The following CFAP46 variants were observed in gnomAD, a reference collection of about 807,000 sequenced individuals.
CFAP46 encodes the protein cilia- and flagella-associated protein 46.
A neutral mutation model predicts 325.7 loss-of-function variants in CFAP46; 245 were observed. The observed-to-expected ratio is 0.75, with a 90% CI of 0.68 to 0.84. The LOEUF is 0.84. Among genes scored for constraint, CFAP46 ranks in the 40% least tolerant of loss-of-function variants. The pLI is 0.00. For synonymous variants in CFAP46, 1,523 were observed against 1,495.9 expected (o/e 1.02, Z -0.42); for missense variants, 3,346 against 3,543.0 (o/e 0.94, Z 1.41).
chr10:132,855,351 C>G (rs762544988), intron 39 of CFAP46, among the ~76,000 whole-genome samples: 1 of 152,174 alleles, frequency 6.6e-6, no homozygotes, highest in Non-Finnish European at 1.5e-5. Flanking sequence ...CTCCAGCTTT[C>G]TTTTCATTAG....
In CFAP46 at chr10:132,832,683, C is replaced by T. The variant is rs1426834401; in HGVS notation, c.7117+675G>A. The stretch of plus-strand genomic sequence containing the variant: ...CTGCACGTACCGCAAGGGTAGCGCT[C>T]GGGGAAGCTTCACAACCGGGGCACG... On this transcript the variant is annotated intron_variant, in intron 50 of 57. Coordinates refer to ENST00000368586, the MANE Select transcript of CFAP46 (RefSeq NM_001200049.3). This position sits in a 1 kb window ranked among gnomAD's most constrained non-coding sequence, Gnocchi z 4.1. The T allele has an allele frequency of 4.5e-6, 2 of 449,362 alleles. No homozygotes were observed. The highest frequency in any genetic ancestry group is 9.5e-6 in the Non-Finnish European group (2 of 209,588). 27.8% of individuals were successfully genotyped at this position (449,362 alleles called of 1,614,324 possible).
chr10:132,847,401 G>C lies in CFAP46; in HGVS notation c.5953-80C>G, dbSNP rs1306893332. 2.4e-5 allele frequency: 37 copies of C among 1,558,496 alleles called. No individual in the cohort carries two copies. The highest frequency in any genetic ancestry group is 3.2e-5 in the Non-Finnish European group (36 of 1,142,386). ...TGGGGAGGGCCCACCCAGGGAGGCCGGGGTGGTCGGGCTCCTCAGCAGGGT... is the reference window on the plus strand; with the variant it reads ...TGGGGAGGGCCCACCCAGGGAGGCCCGGGTGGTCGGGCTCCTCAGCAGGGT... On this transcript the variant is annotated intron_variant, in intron 41 of 57. Coordinates refer to ENST00000368586, the MANE Select transcript of CFAP46 (RefSeq NM_001200049.3). This position sits in a 1 kb window ranked among gnomAD's most constrained non-coding sequence, Gnocchi z 5.2.
chr10:132,868,911 C>A (rs183523571), intron 33 of CFAP46, among the ~76,000 whole-genome samples: 1 of 152,376 alleles, frequency 6.6e-6, no homozygotes, highest in African/African-American at 2.4e-5. Context: ...AAGTGAACTC[C>A]TGCCTGAAGG....
At chr10:132,908,690 G>A (rs1050710178) in intron 21 of CFAP46, 56 bp from the exon 22 acceptor site, 19 of 1,475,276 alleles carry the variant, frequency 1.3e-5, no homozygotes, top group South Asian at 4.1e-5. Context: ...AACTTCCCAC[G>A]GCCTGCAGCC....
At position 132,908,639 on chromosome 10, in the gene CFAP46, C is replaced by A; in HGVS notation, c.2758-5G>T. The A allele has an allele frequency of 6.5e-7, 1 of 1,528,780 alleles. No homozygotes were observed. Among genetic ancestry groups the A allele is most frequent in the South Asian group, 1.2e-5 (1 of 81,152 alleles). The allele number at this position is 1,528,780 out of a possible 1,614,324, so 94.7% of individuals were successfully genotyped here. On this transcript the variant is annotated splice_region_variant and splice_polypyrimidine_tract_variant and intron_variant, in intron 21 of 57. Transcript: ENST00000368586. ...CTCGGAAGCCATTTTCACCAACTTCCGGTGGGTGGCAAGAGAAGGGGCACC... is the reference window on the plus strand; with the variant it reads ...CTCGGAAGCCATTTTCACCAACTTCAGGTGGGTGGCAAGAGAAGGGGCACC...
At position 132,887,460 on chromosome 10, in the gene CFAP46, CCCTCTTCTCTCTCT is replaced by C. The variant is rs1849164649; in HGVS notation, c.3305-1515_3305-1502del. 1.6e-4 allele frequency among the ~76,000 whole-genome samples: 19 copies of C among 121,718 alleles called. No homozygotes were observed. The South Asian group carries it at 5.7e-3, about 37-fold the overall frequency. 79.9% of individuals were successfully genotyped at this position (121,718 alleles called of 152,430 possible). A position where few individuals can be genotyped will look rare whatever the true frequency, so the allele number is the denominator to read the frequency against. On this transcript the variant is annotated intron_variant, in intron 25 of 57. Coordinates refer to ENST00000368586, the MANE Select transcript of CFAP46 (RefSeq NM_001200049.3). ...CCTCTCCCCTCTTCTCTCTCCTCTC[CCCTCTTCTCTCTCT>C]CCTCTCCTCTCTCCCCTCTCGCCTA...
At chr10:132,838,540 C>T (rs1407984600) in intron 44 of CFAP46, among the ~76,000 whole-genome samples, 2 of 152,286 alleles carry the variant, frequency 1.3e-5, no homozygotes, top group Non-Finnish European at 2.9e-5. Context: ...CTCTGGCTTG[C>T]GCCGTGGGCT....
intron 12 of CFAP46, 63 bp downstream of exon 12, chr10:132,922,417 C>T: frequency 6.7e-7 from 1 of 1,482,966 alleles, no homozygotes; most frequent in East Asian, 2.5e-5. Flanking sequence ...GCCCTCAGAG[C>T]CCCGCCCCGG....
intron 24 of CFAP46, chr10:132,898,383 C>T (rs1849345725): frequency 1.1e-5 from 2 of 176,228 alleles, no homozygotes; most frequent in South Asian, 1.3e-4. Context: ...GCCTGCAGGA[C>T]CACTCCAGGA....
In CFAP46 at chr10:132,910,001, C is replaced by T. The variant is rs910688507; in HGVS notation, c.2567G>A (p.Arg856Gln). The change falls in exon 20 of 58, where the codon CGG (arginine) becomes CAG (glutamine). Residue 856 changes from arginine to glutamine, a missense_variant. By Grantham distance (43) the Arg-to-Gln change is conservative. Transcript: ENST00000368586. ...APEETVPTGT[R>Q]QQLIATWVKA... is the part of the protein sequence containing the mutation. Reference sequence around the variant, plus strand: ...GACCCAGGTGGCGATAAGCTGCTGCCGGGTGCCGGTGGGCACCGTCTCCTC... The same window carrying T: ...GACCCAGGTGGCGATAAGCTGCTGCTGGGTGCCGGTGGGCACCGTCTCCTC... 1.9e-5 allele frequency: 30 copies of T among 1,543,102 alleles called. No individual in the cohort carries two copies. Among genetic ancestry groups the T allele is most frequent in the East Asian group, 1.0e-4 (4 of 40,016 alleles).
At chr10:132,879,884 C>T (rs1849013206) in intron 28 of CFAP46, among the ~76,000 whole-genome samples, 1 of 152,180 alleles carries the variant, frequency 6.6e-6, no homozygotes, top group South Asian at 2.1e-4. Flanking sequence ...CCCCCAGACC[C>T]CGAGAGCTCT....
chr10:132,832,356 C>G lies in CFAP46; in HGVS notation c.7117+1002G>C, dbSNP rs7076657. Among the ~76,000 whole-genome samples, 6,894 of 149,982 alleles carry G rather than the reference C, an allele frequency of 0.046. 188 individuals are homozygous for G. The highest frequency in any genetic ancestry group is 0.075 in the Middle Eastern group (22 of 294). ...GTTTCCCAGACTCCAAACTGTCTGT[C>G]CTCAACTTGCGGAGACCCCTGGGCT... On this transcript the variant is annotated intron_variant, in intron 50 of 57. Coordinates refer to ENST00000368586, the MANE Select transcript of CFAP46 (RefSeq NM_001200049.3). The surrounding 1 kb of genome is among the most constrained non-coding windows in gnomAD (Gnocchi z 4.1).
At chr10:132,906,844 G>A (rs1000111609) in intron 22 of CFAP46, among the ~76,000 whole-genome samples, 1 of 150,680 alleles carries the variant, frequency 6.6e-6, no homozygotes, top group African/African-American at 2.5e-5. Context: ...CTTGGCGTGT[G>A]ATGCCCCATC....
In CFAP46 at chr10:132,940,983, C is replaced by T; in HGVS notation, c.371+13G>A. On this transcript the variant is annotated intron_variant, in intron 4 of 57. Coordinates refer to ENST00000368586, the MANE Select transcript of CFAP46 (RefSeq NM_001200049.3). ...CCCAGTCAGTGAGAAACGGCCACTT[C>T]AATTTTGCCTACCTCGGTTCTCCTT... The T allele has an allele frequency of 6.2e-7, 1 of 1,614,096 alleles. No homozygotes were observed. Among genetic ancestry groups the T allele is most frequent in the Non-Finnish European group, 8.5e-7 (1 of 1,179,920 alleles).
chr10:132,882,062 G>T (rs1056141922), intron 27 of CFAP46, among the ~76,000 whole-genome samples: 2 of 149,046 alleles, frequency 1.3e-5, no homozygotes, highest in Non-Finnish European at 3.0e-5. Context: ...TGTGTGGTGC[G>T]TGTGGGATGT....
intron 50 of CFAP46, among the ~76,000 whole-genome samples, chr10:132,821,841 G>C (rs1157939118): frequency 6.8e-6 from 1 of 146,910 alleles, no homozygotes; most frequent in Non-Finnish European, 1.5e-5. Flanking sequence ...GCTGTGTGCT[G>C]TGTGAGCGCT....
chr10:132,881,020 C>T lies in CFAP46; in HGVS notation c.3640G>A (p.Glu1214Lys), dbSNP rs1442947300. Residue 1214 changes from glutamate (E) to lysine (K), a missense_variant, in exon 28 of 58, where the codon GAG (glutamate) becomes AAG (lysine). By Grantham distance (56) the Glu-to-Lys change is moderately conservative (BLOSUM62 1). Coordinates refer to ENST00000368586, the MANE Select transcript of CFAP46 (RefSeq NM_001200049.3). ...ATGAGGTACTCCACCTTCTGCCACT[C>T]CATCTCAGGCTTCTGTGGGATTGAA... ...AIQALQKPEMEWQKVEYLMEF... is the reference protein window; with the variant it reads ...AIQALQKPEMKWQKVEYLMEF... The T allele has an allele frequency of 1.9e-6, 3 of 1,550,360 alleles. No homozygotes were observed. Among genetic ancestry groups the T allele is most frequent in the Non-Finnish European group, 2.6e-6 (3 of 1,146,966 alleles).
At position 132,876,504 on chromosome 10, in the gene CFAP46, G is replaced by A. The variant is rs902602091; in HGVS notation, c.4362+308C>T. Among the ~76,000 whole-genome samples the A allele has an allele frequency of 6.6e-6, 1 of 152,206 alleles. No individual in the cohort carries two copies. The highest frequency in any genetic ancestry group is 2.4e-5 in the African/African-American group (1 of 41,456). On this transcript the variant is annotated intron_variant, in intron 31 of 57. Coordinates refer to ENST00000368586, the MANE Select transcript of CFAP46 (RefSeq NM_001200049.3). This position sits in a 1 kb window ranked among gnomAD's most constrained non-coding sequence, Gnocchi z 4.1. ...ACTGATTTTCGGCTTCCGGCCTCCA[G>A]AACCATGAGGGGATCAATTTCTGTT...
At chr10:132,842,767 G>A (rs1441636686) in intron 44 of CFAP46, among the ~76,000 whole-genome samples, 3 of 152,198 alleles carry the variant, frequency 2.0e-5, no homozygotes, top group Non-Finnish European at 4.4e-5. Context: ...CTTCTTGCAG[G>A]TGGGGCCTCT....
Sources: gnomAD v4.1 joint callset for allele counts (sites outside exome capture counted in the v4.1 genomes callset) on GRCh38, gnomAD v4.1.1 for gene constraint, Gnocchi (gnomAD v3.1) non-coding constraint, MANE v1.5 for transcripts, NCBI Gene and HGNC (gene_info 2026-07-23, HGNC 2026-07-21) for gene names.